The following ZNF430 variants were observed in gnomAD, a reference collection of about 807,000 sequenced individuals.
ZNF430 encodes zinc finger protein 430.
ZNF430 carries 35 observed loss-of-function variants against 56.7 expected under a neutral mutation model. The ratio of observed to expected loss-of-function variants is 0.62; its 90% CI spans 0.47 to 0.82. The LOEUF (loss-of-function observed/expected upper bound fraction) is 0.82, where lower values mean the gene tolerates loss of function less well. ZNF430 is among the 40% of genes least tolerant of loss of function. The pLI, the probability that ZNF430 is intolerant of heterozygous loss-of-function variation, is 0.00. For missense variants in ZNF430, 574 were observed against 661.0 expected (o/e 0.87, Z 1.44); for synonymous variants, 212 against 224.3 (o/e 0.94, Z 0.49).
intron 4 of ZNF430, among the ~76,000 whole-genome samples, chr19:21,043,044 A>G (rs370004271): frequency 2.1e-5 from 1 of 46,740 alleles, no homozygotes; most frequent in African/African-American, 9.6e-5. Context: ...ATAGGTTGCA[A>G]AAATGTTCTC....
chr19:21,042,269 A>C (rs968739488), intron 4 of ZNF430, among the ~76,000 whole-genome samples: 2 of 152,192 alleles, frequency 1.3e-5, no homozygotes, highest in Non-Finnish European at 2.9e-5. Flanking sequence ...TGCAATGAAC[A>C]TACACATCCA....
chr19:21,056,557 T>C (rs936403278), intron 4 of ZNF430, 74 bp from the exon 5 acceptor site: 33 of 1,123,220 alleles, frequency 2.9e-5, no homozygotes, highest in Middle Eastern at 4.2e-4. Context: ...TGTATAATTA[T>C]ATGGGTTAGA....
intron 4 of ZNF430, among the ~76,000 whole-genome samples, chr19:21,042,446 A>G (rs551677282): frequency 2.6e-5 from 4 of 152,206 alleles, no homozygotes; most frequent in Admixed American, 6.5e-5. Flanking sequence ...AAGTATTTCT[A>G]TTTCTCCACA....
At chr19:21,038,003 C>T (rs73548266) in intron 4 of ZNF430, among the ~76,000 whole-genome samples, 2,322 of 151,694 alleles carry the variant, frequency 0.015, 67 homozygotes, top group African/African-American at 0.054. Context: ...CCCATTTTCT[C>T]GGAGGCATTT....
Position 21,057,849 on chromosome 19 carries a change from A to C in ZNF430, c.1541A>C (p.Lys514Thr). ...KITHIGDTSY[K>T]YLECDKAFSQ... Reference sequence around the variant, plus strand: ...ACTCATATTGGAGATACATCTTACAAATACCTAGAATGTGATAAAGCCTTT... The same window carrying C: ...ACTCATATTGGAGATACATCTTACACATACCTAGAATGTGATAAAGCCTTT... The change falls in exon 5 of 5, where the codon AAA becomes ACA. Residue 514 changes from lysine (K) to threonine (T), a missense_variant. By Grantham distance (78) the Lys-to-Thr change is moderately conservative. Transcript: ENST00000261560. The C allele has an allele frequency of 6.2e-7, 1 of 1,613,976 alleles. No individual in the cohort carries two copies. The highest frequency in any genetic ancestry group is 8.5e-7 in the Non-Finnish European group (1 of 1,179,958).
intron 1 of ZNF430, among the ~76,000 whole-genome samples, chr19:21,021,896 G>A (rs1309522927): frequency 6.9e-6 from 1 of 144,134 alleles, no homozygotes; most frequent in Non-Finnish European, 1.5e-5. Flanking sequence ...GAGTGCAGTG[G>A]CACAATCTCG....
intron 4 of ZNF430, among the ~76,000 whole-genome samples, chr19:21,055,438 TTTTTTTTGTTTG>T (rs898044017): frequency 6.7e-5 from 10 of 150,244 alleles, no homozygotes; most frequent in African/African-American, 2.4e-4. Flanking sequence ...TTTTTAGTTT[TTTTTTTTGTTTG>T]TTTTTTGTTT....
chr19:21,021,901 A>G (rs1354319723), intron 1 of ZNF430, among the ~76,000 whole-genome samples: 1 of 143,250 alleles, frequency 7.0e-6, no homozygotes, highest in Non-Finnish European at 1.5e-5. Flanking sequence ...CAGTGGCACA[A>G]TCTCGGCTCA....
intron 2 of ZNF430, among the ~76,000 whole-genome samples, chr19:21,024,653 G>A (rs760039209): frequency 6.6e-5 from 10 of 151,912 alleles, no homozygotes; most frequent in South Asian, 4.2e-4. Flanking sequence ...GGTCACGGGC[G>A]CCTGTAGTCC....
At position 21,057,534 on chromosome 19, in the gene ZNF430, G is replaced by A. The variant is rs1968401746; in HGVS notation, c.1226G>A (p.Gly409Asp). The A allele has an allele frequency of 1.2e-6, 2 of 1,600,272 alleles. No homozygotes were observed. The highest frequency in any genetic ancestry group is 1.7e-6 in the Non-Finnish European group (2 of 1,175,812). The change falls in exon 5 of 5, where the codon GGC becomes GAC. Residue 409 changes from glycine (G) to aspartate (D), a missense_variant. Gly to Asp is a moderately conservative substitution (Grantham distance 94, BLOSUM62 -1). Transcript: ENST00000261560. Reference sequence around the variant, plus strand: ...TACAAATGTGAAGAATGTGGCAAAGGCTTTAATTGGTCCTCGACCCTTACT... The same window carrying A: ...TACAAATGTGAAGAATGTGGCAAAGACTTTAATTGGTCCTCGACCCTTACT... ...KFYKCEECGK[G>D]FNWSSTLTKH...
In ZNF430 at chr19:21,053,384, T is replaced by G. The variant is rs1233990060; in HGVS notation, c.323-3247T>G. ...ATATAGGTTATTTTCTACATTGGTT[T>G]TTTTATTTTTATTTATTTATTTATT... On this transcript the variant is annotated intron_variant, in intron 4 of 4. Coordinates refer to ENST00000261560, the MANE Select transcript of ZNF430 (RefSeq NM_025189.4). The G allele has an allele frequency of 3.3e-5, 5 of 152,092 alleles. No individual in the cohort carries two copies. In the South Asian group the frequency reaches 8.3e-4, roughly 25 times the overall value. The allele number at this position is 152,092 out of a possible 1,614,324, so 9.4% of individuals were successfully genotyped here.
Position 21,059,543 on chromosome 19 carries a change from C to CAAAAAAAAAAAAAAAAAAAAAT in ZNF430, c.*1541_*1542insAATAAAAAAAAAAAAAAAAAAA, listed in dbSNP as rs71174793. On this transcript the variant is annotated 3_prime_UTR_variant, in exon 5 of 5. Transcript: ENST00000261560. Reference sequence around the variant, plus strand: ...GGGCAACAAGAGTGAAACTCCATTTCAAAAAAAAAAAAAAAAAAACAACTA... The same window carrying CAAAAAAAAAAAAAAAAAAAAAT: ...GGGCAACAAGAGTGAAACTCCATTTCAAAAAAAAAAAAAAAAAAAAATAAAAAAAAAAAAAAAAAAACAACTA... 9.8e-6 allele frequency: 1 copy of CAAAAAAAAAAAAAAAAAAAAAT among 102,284 alleles called. No individual in the cohort carries two copies. The allele number at this position is 102,284 out of a possible 1,614,324, so 6.3% of individuals were successfully genotyped here.
In ZNF430 at chr19:21,059,587, T is replaced by C. The variant is rs1236980616; in HGVS notation, c.*1566T>C. On this transcript the variant is annotated 3_prime_UTR_variant, in exon 5 of 5. Transcript: ENST00000261560. ...ACAACTAAAGTTGGTAGAAAAATTA[T>C]TTGTATATAACTTTAAAAGGAGTAG... is the stretch of plus-strand genomic sequence containing the variant. 3.3e-5 allele frequency: 5 copies of C among 151,892 alleles called. No homozygotes were observed. The highest frequency in any genetic ancestry group is 5.9e-5 in the Non-Finnish European group (4 of 67,994). The allele number at this position is 151,892 out of a possible 1,614,324, so 9.4% of individuals were successfully genotyped here. A position where few individuals can be genotyped will look rare whatever the true frequency, so the allele number is the denominator to read the frequency against.
chr19:21,022,755 T>C, intron 1 of ZNF430, 34 bp from the exon 2 acceptor site: 2 of 1,391,146 alleles, frequency 1.4e-6, no homozygotes, highest in Non-Finnish European at 2.0e-6. Flanking sequence ...GAGTGTCTAG[T>C]GGATATCAGC....
intron 2 of ZNF430, among the ~76,000 whole-genome samples, chr19:21,028,566 G>A (rs570296796): frequency 7.9e-5 from 12 of 152,310 alleles, no homozygotes; most frequent in African/African-American, 2.6e-4. Context: ...TCACCTAGAC[G>A]TCTTTGAGAC....
At position 21,057,697 on chromosome 19, in the gene ZNF430, C is replaced by T. The variant is rs144780397; in HGVS notation, c.1389C>T (p.Gly463=). Residue 463 remains glycine (G), a synonymous_variant, in exon 5 of 5, where the codon GGC becomes GGT. Coordinates refer to ENST00000261560, the MANE Select transcript of ZNF430 (RefSeq NM_025189.4). ...GEKPYKCEEC[G]KAFNRSPKLT... is the part of the protein sequence containing the mutation. Reference sequence around the variant, plus strand: ...AACCCTACAAATGTGAAGAATGTGGCAAAGCCTTTAACCGGTCCCCAAAAC... The same window carrying T: ...AACCCTACAAATGTGAAGAATGTGGTAAAGCCTTTAACCGGTCCCCAAAAC... The T allele has an allele frequency of 2.2e-3, 3,572 of 1,609,318 alleles. 4 individuals carry two copies. The highest frequency in any genetic ancestry group is 2.7e-3 in the Non-Finnish European group (3,164 of 1,178,284).
intron 4 of ZNF430, among the ~76,000 whole-genome samples, chr19:21,053,795 A>G (rs186028971): frequency 8.5e-5 from 13 of 152,282 alleles, no homozygotes; most frequent in Admixed American, 7.2e-4. Flanking sequence ...AAACAGAAAG[A>G]CATTAATGTT....
At chr19:21,033,983 T>G in intron 3 of ZNF430, 103 bp from the exon 4 acceptor site, 1 of 844,130 alleles carries the variant, frequency 1.2e-6, no homozygotes, top group Non-Finnish European at 1.8e-6. Context: ...ATTTTTAGGA[T>G]TAATTTTCTA....
rs151242850 is a variant in ZNF430, at chr19:21,058,155, A to G, written c.*134A>G. On this transcript the variant is annotated 3_prime_UTR_variant, in exon 5 of 5. Transcript: ENST00000261560. ...GTCCTCAATTCTTACCAGACATAAGATAATTCTGGCTGGGTGCGGTGGCTC... is the reference window on the plus strand; with the variant it reads ...GTCCTCAATTCTTACCAGACATAAGGTAATTCTGGCTGGGTGCGGTGGCTC... The G allele has an allele frequency of 4.0e-4, 358 of 886,562 alleles. 2 individuals carry two copies. The African/African-American group carries it at 5.4e-3, about 13-fold the overall frequency. 54.9% of individuals were successfully genotyped at this position (886,562 alleles called of 1,614,324 possible). A position where few individuals can be genotyped will look rare whatever the true frequency, so the allele number is the denominator to read the frequency against.
Sources: gnomAD v4.1 joint callset for allele counts (sites outside exome capture counted in the v4.1 genomes callset) on GRCh38, gnomAD v4.1.1 for gene constraint, MANE v1.5 for transcripts, NCBI Gene and HGNC (gene_info 2026-07-23, HGNC 2026-07-21) for gene names.